ERC2: variants seen among roughly 807,000 people sequenced by gnomAD.
ERC2 encodes ELKS/RAB6-interacting/CAST family member 2.
A neutral mutation model predicts 114.8 loss-of-function variants in ERC2; 42 were observed. The ratio of observed to expected loss-of-function variants is 0.37; its 90% confidence interval spans 0.29 to 0.47. The LOEUF (loss-of-function observed/expected upper bound fraction) is 0.47. Among genes scored for constraint, ERC2 ranks in the 20% least tolerant of loss-of-function variants. The pLI, the probability that ERC2 is intolerant of heterozygous loss-of-function variation, is 0.99. For missense variants in ERC2, 939 were observed against 1,150.7 expected (o/e 0.82, Z 2.66); for synonymous variants, 454 against 425.5 (o/e 1.07, Z -0.82).
intron 10 of ERC2, among the ~76,000 whole-genome samples, chr3:55,996,127 T>C (rs767186051): frequency 3.0e-4 from 45 of 152,194 alleles, no homozygotes; most frequent in Non-Finnish European, 5.7e-4. Flanking sequence ...ATTCAAGACA[T>C]AAATTGAAAA....
At chr3:56,118,014 G>A (rs2079345405) in intron 6 of ERC2, among the ~76,000 whole-genome samples, 2 of 152,226 alleles carry the variant, frequency 1.3e-5, no homozygotes, top group African/African-American at 2.4e-5. Flanking sequence ...CACAGGGATA[G>A]CTGAAGCAGC....
intron 7 of ERC2, among the ~76,000 whole-genome samples, chr3:56,065,737 C>T (rs974505817): frequency 7.2e-5 from 11 of 151,966 alleles, no homozygotes; most frequent in Non-Finnish European, 1.0e-4. Flanking sequence ...GTGTGTTGTT[C>T]CTCTCCCTGT....
At chr3:56,070,449 A>AACAAACC (rs1273973931) in intron 7 of ERC2, among the ~76,000 whole-genome samples, 3 of 113,226 alleles carry the variant, frequency 2.6e-5, no homozygotes, top group African/African-American at 9.7e-5. Flanking sequence ...TTTGCAAGTA[A>AACAAACC]TTATAAACAA....
intron 1 of ERC2, among the ~76,000 whole-genome samples, chr3:56,460,403 C>T (rs1052423796): frequency 6.6e-6 from 1 of 152,192 alleles, no homozygotes; most frequent in Non-Finnish European, 1.5e-5. Context: ...AGTCATTTGA[C>T]AAATACTTAC....
intron 17 of ERC2, among the ~76,000 whole-genome samples, chr3:55,652,954 T>C (rs2060701369): frequency 6.6e-6 from 1 of 151,930 alleles, no homozygotes; most frequent in East Asian, 1.9e-4. Flanking sequence ...GCACTGACTG[T>C]GTACTGAAAA....
rs1318263302 is a variant in ERC2 at position 56,446,625 on chromosome 3, C to CTTTTTTTTTT, written c.-140-11479_-140-11478insAAAAAAAAAA. Among the ~76,000 whole-genome samples, 834 of 112,344 alleles carry CTTTTTTTTTT rather than the reference C, an allele frequency of 7.4e-3. 25 individuals are homozygous for CTTTTTTTTTT. The highest frequency in any genetic ancestry group is 0.027 in the African/African-American group (794 of 29,024). The allele number at this position is 112,344 out of a possible 152,430, so 73.7% of individuals were successfully genotyped here. A position where few individuals can be genotyped will look rare whatever the true frequency, so the allele number is the denominator to read the frequency against. ...CGCATTTTCTTCTTTTTTTTTTTTTCTTTCTTTTTTTTTTTTTTGAGACGG... is the reference window on the plus strand; with the variant it reads ...CGCATTTTCTTCTTTTTTTTTTTTTCTTTTTTTTTTTTTCTTTTTTTTTTTTTTGAGACGG... On this transcript the variant is annotated intron_variant, in intron 1 of 17. Coordinates refer to ENST00000288221, the MANE Select transcript of ERC2 (RefSeq NM_015576.3).
chr3:56,237,129 C>T (rs928916151), intron 3 of ERC2, among the ~76,000 whole-genome samples: 2 of 152,194 alleles, frequency 1.3e-5, no homozygotes, highest in Admixed American at 6.5e-5. Context: ...GATTTTACTT[C>T]CATTCACAGA....
At chr3:56,173,552 C>A in intron 3 of ERC2, 32 bp from the exon 4 acceptor site, 1 of 1,602,500 alleles carries the variant, frequency 6.2e-7, no homozygotes, top group Middle Eastern at 1.7e-4. Flanking sequence ...ATAAGCCTGA[C>A]GGTTCATCCT....
At chr3:55,944,770 G>T (rs937915593) in intron 13 of ERC2, among the ~76,000 whole-genome samples, 1 of 152,092 alleles carries the variant, frequency 6.6e-6, no homozygotes, top group Non-Finnish European at 1.5e-5. Flanking sequence ...AGCAAAAGTC[G>T]TTTTTTTGGC....
intron 7 of ERC2, among the ~76,000 whole-genome samples, chr3:56,069,759 A>C (rs1444139799): frequency 6.6e-6 from 1 of 152,200 alleles, no homozygotes; most frequent in Non-Finnish European, 1.5e-5. Context: ...GGTTCTCAAA[A>C]TCAGCAATCT....
At chr3:56,455,333 T>C (rs1281103171) in intron 1 of ERC2, among the ~76,000 whole-genome samples, 2 of 152,138 alleles carry the variant, frequency 1.3e-5, no homozygotes, top group Non-Finnish European at 2.9e-5. Flanking sequence ...TGTGTAAAAA[T>C]ACCCTAAGGC....
chr3:55,665,097 G>A (rs1030757583), intron 17 of ERC2, among the ~76,000 whole-genome samples: 17 of 152,330 alleles, frequency 1.1e-4, no homozygotes, highest in Non-Finnish European at 1.9e-4. Flanking sequence ...TGAAGGTGTA[G>A]AAGGTAGCCG....
chr3:56,033,081 A>AAAGG (rs1553782593), intron 7 of ERC2, among the ~76,000 whole-genome samples: 6 of 148,380 alleles, frequency 4.0e-5, no homozygotes, highest in Non-Finnish European at 6.0e-5. Flanking sequence ...AGAAAGAAAG[A>AAAGG]AAGAAAAGTA....
At position 56,086,697 on chromosome 3, in the gene ERC2, T is replaced by C. The variant is rs369167385; in HGVS notation, c.1474-5713A>G. ...GGAAGATAAGGCAAGAAAAAATGCA[T>C]TCTATTAAAAATTAGAATATCTAGT... On this transcript the variant is annotated intron_variant, in intron 6 of 17. Transcript: ENST00000288221. Among the ~76,000 whole-genome samples the C allele has an allele frequency of 3.3e-4, 50 of 152,190 alleles. No individual in the cohort carries two copies. The East Asian group carries it at 4.2e-3, about 13-fold the overall frequency.
At chr3:55,841,476 G>A (rs1242481031) in intron 14 of ERC2, among the ~76,000 whole-genome samples, 2 of 152,152 alleles carry the variant, frequency 1.3e-5, no homozygotes, top group Non-Finnish European at 2.9e-5. Flanking sequence ...TCCATTAAAT[G>A]TCTTTCCTTT....
At chr3:56,466,610 C>G (rs898307592) in intron 1 of ERC2, among the ~76,000 whole-genome samples, 3 of 152,212 alleles carry the variant, frequency 2.0e-5, no homozygotes, top group African/African-American at 7.2e-5. Flanking sequence ...ACCCCACCAC[C>G]ACCGAACTGA....
At chr3:55,943,022 T>C (rs2066903157) in intron 13 of ERC2, among the ~76,000 whole-genome samples, 1 of 152,226 alleles carries the variant, frequency 6.6e-6, no homozygotes, top group Non-Finnish European at 1.5e-5. Context: ...TTGATGTCAG[T>C]GTGTCATGCA....
At chr3:56,041,660 C>T (rs2075199741) in intron 7 of ERC2, among the ~76,000 whole-genome samples, 1 of 152,082 alleles carries the variant, frequency 6.6e-6, no homozygotes, top group African/African-American at 2.4e-5. Context: ...CCAATTCTTG[C>T]TGGCAATTCA....
At chr3:56,183,530 C>T (rs932971193) in intron 3 of ERC2, among the ~76,000 whole-genome samples, 5 of 152,194 alleles carry the variant, frequency 3.3e-5, no homozygotes, top group Non-Finnish European at 5.9e-5. Flanking sequence ...TTAGTGTTCC[C>T]GACAGCACAT....
Sources: gnomAD v4.1 joint callset for allele counts (sites outside exome capture counted in the v4.1 genomes callset) on GRCh38, gnomAD v4.1.1 for gene constraint, MANE v1.5 for transcripts, NCBI Gene and HGNC (gene_info 2026-07-23, HGNC 2026-07-21) for gene names.